Variants in SLCO2B1 observed in about 807,000 individuals in gnomAD.
The protein encoded by SLCO2B1 is solute carrier organic anion transporter family member 2B1, also known as OATP-RP2.
In SLCO2B1, 41 loss-of-function variants were observed where a neutral mutation model predicts 67.3. The ratio of observed to expected loss-of-function variants is 0.61; its 90% CI spans 0.47 to 0.79. The LOEUF is 0.79. Among genes scored for constraint, SLCO2B1 ranks in the 30% least tolerant of loss-of-function variants. SLCO2B1 has a pLI of 0.00. For synonymous variants in SLCO2B1, 379 were observed against 381.4 expected (o/e 0.99, Z 0.07); for missense variants, 837 against 920.1 (o/e 0.91, Z 1.17).
chr11:75,177,512 G>A (rs983493708), intron 7 of SLCO2B1, among the ~76,000 whole-genome samples: 8 of 152,204 alleles, frequency 5.3e-5, no homozygotes, highest in African/African-American at 9.7e-5. Flanking sequence ...CACCATGCTC[G>A]AGGGGCTGAA....
chr11:75,152,677 C>G (rs1949706054), intron 1 of SLCO2B1, among the ~76,000 whole-genome samples: 1 of 152,098 alleles, frequency 6.6e-6, no homozygotes, highest in African/African-American at 2.4e-5. Flanking sequence ...CACAAGTCCC[C>G]CCAGTACTAT....
chr11:75,203,559 T>C (rs1192286560), intron 13 of SLCO2B1, 132 bp downstream of exon 13: 2 of 1,152,802 alleles, frequency 1.7e-6, no homozygotes, highest in East Asian at 4.8e-5. Context: ...ATATATTCAG[T>C]GCTGAGCTCA....
At chr11:75,202,826 C>T (rs1488714002) in intron 11 of SLCO2B1, 75 bp from the exon 12 acceptor site, 1 of 1,270,570 alleles carries the variant, frequency 7.9e-7, no homozygotes, top group African/African-American at 1.5e-5. Context: ...TAATAAGAAC[C>T]CTTCAACGTT....
rs750493329 is a variant in SLCO2B1, at chr11:75,196,682, G to A, written c.1599+3G>A. The A allele has an allele frequency of 5.0e-6, 8 of 1,612,212 alleles. No individual in the cohort carries two copies. The East Asian group carries it at 6.7e-5, about 13-fold the overall frequency. On this transcript the variant is annotated splice_donor_region_variant and intron_variant, in intron 10 of 13. Transcript: ENST00000289575. ...AGGATGCTCTGGACAACAGCCAGGTGAGTCAGGCCTCTCGTGGCAACCTCT... is the reference window on the plus strand; with the variant it reads ...AGGATGCTCTGGACAACAGCCAGGTAAGTCAGGCCTCTCGTGGCAACCTCT...
chr11:75,154,045 C>G (rs1949719767), intron 1 of SLCO2B1, among the ~76,000 whole-genome samples: 1 of 151,450 alleles, frequency 6.6e-6, no homozygotes, highest in Non-Finnish European at 1.5e-5. Flanking sequence ...CCTGCCTCAG[C>G]CTCCCGAGTA....
intron 7 of SLCO2B1, among the ~76,000 whole-genome samples, chr11:75,177,142 T>C (rs1049670150): frequency 6.6e-6 from 1 of 151,838 alleles, no homozygotes; most frequent in Non-Finnish European, 1.5e-5. Context: ...AGGAGGGGCA[T>C]CACCGAGCAG....
intron 7 of SLCO2B1, among the ~76,000 whole-genome samples, chr11:75,185,769 C>T (rs1008111052): frequency 1.3e-5 from 2 of 151,990 alleles, no homozygotes; most frequent in African/African-American, 2.4e-5. Flanking sequence ...AGGAGGAACG[C>T]GTCCACCCTA....
At chr11:75,190,892 A>G (rs1945012914) in intron 8 of SLCO2B1, among the ~76,000 whole-genome samples, 1 of 152,198 alleles carries the variant, frequency 6.6e-6, no homozygotes, top group African/African-American at 2.4e-5. Flanking sequence ...GCCCTGTCTC[A>G]TGGCAAAGGT....
At chr11:75,189,933 G>T (rs1046563813) in intron 8 of SLCO2B1, among the ~76,000 whole-genome samples, 1 of 149,808 alleles carries the variant, frequency 6.7e-6, no homozygotes, top group African/African-American at 2.5e-5. Context: ...CTGCGCTCCA[G>T]CCTGGGTGAC....
intron 1 of SLCO2B1, among the ~76,000 whole-genome samples, chr11:75,162,234 C>T (rs1278709152): frequency 1.3e-5 from 2 of 152,186 alleles, no homozygotes; most frequent in Non-Finnish European, 2.9e-5. Context: ...GCCAGACAGT[C>T]CCAGGCCCAG....
At position 75,178,131 on chromosome 11, in the gene SLCO2B1, C is replaced by T. The variant is rs184554104; in HGVS notation, c.972+5562C>T. Among the ~76,000 whole-genome samples the T allele has an allele frequency of 2.2e-3, 339 of 151,830 alleles. 3 individuals are homozygous for T. The highest frequency in any genetic ancestry group is 6.8e-3 in the Middle Eastern group (2 of 294). On this transcript the variant is annotated intron_variant, in intron 7 of 13. Coordinates refer to ENST00000289575, the MANE Select transcript of SLCO2B1 (RefSeq NM_007256.5). ...AAAACAAAAAACAAAACTCCAAACG[C>T]AAGTTCTGTTTAGACCAATCATTCT...
rs375283751 is a variant in SLCO2B1 at position 75,193,595 on chromosome 11, C to A, written c.1433+20C>A. ...GACCAGGTGAGTGTGTGCGTGGGCA[C>A]GTAAAGGCAAGCCTGGGAGGACAGG... On this transcript the variant is annotated intron_variant, in intron 9 of 13. Transcript: ENST00000289575. This position sits in a 1 kb window ranked among gnomAD's most constrained non-coding sequence, Gnocchi z 4.2. 6.6e-7 allele frequency: 1 copy of A among 1,515,914 alleles called. No homozygotes were observed. Among genetic ancestry groups the A allele is most frequent in the Non-Finnish European group, 8.8e-7 (1 of 1,132,784 alleles). 93.9% of individuals were successfully genotyped at this position (1,515,914 alleles called of 1,614,324 possible).
intron 4 of SLCO2B1, among the ~76,000 whole-genome samples, chr11:75,166,410 T>TA (rs1949893288): frequency 6.6e-6 from 1 of 152,164 alleles, no homozygotes; most frequent in Non-Finnish European, 1.5e-5. Flanking sequence ...TGAACAAATT[T>TA]AAAAAATGAA....
At position 75,198,618 on chromosome 11, in the gene SLCO2B1, C is replaced by T. The variant is rs11822041; in HGVS notation, c.1600-1606C>T. On this transcript the variant is annotated intron_variant, in intron 10 of 13. Coordinates refer to ENST00000289575, the MANE Select transcript of SLCO2B1 (RefSeq NM_007256.5). ...AGCCAGCCCCCTCTTTGGAGCATCA[C>T]GGAGGCTTGGATTTAGGTGCAGTAT... 2.3e-3 allele frequency among the ~76,000 whole-genome samples: 354 copies of T among 152,318 alleles called. 2 individuals are homozygous for T. Among genetic ancestry groups the T allele is most frequent in the African/African-American group, 8.3e-3 (343 of 41,564 alleles).
intron 12 of SLCO2B1, 83 bp downstream of exon 12, chr11:75,203,048 G>A (rs752285132): frequency 2.3e-6 from 3 of 1,317,276 alleles, no homozygotes; most frequent in South Asian, 1.2e-5. Context: ...ACAGGCATGA[G>A]CGGAATTCAA....
Position 75,172,451 on chromosome 11 carries a change from G to C in SLCO2B1, c.854G>C (p.Gly285Ala). Residue 285 changes from glycine to alanine, a missense_variant, in exon 7 of 14, where the codon GGT (glycine) becomes GCT (alanine). By Grantham distance (60) the Gly-to-Ala change is moderately conservative. Transcript: ENST00000289575. ...AWWLGFLIAA[G>A]AVALAAIPYF... ...TGGCTGGGTTTCCTCATCGCTGCCGGTGCAGTGGCCCTGGCTGCCATCCCC... is the reference window on the plus strand; with the variant it reads ...TGGCTGGGTTTCCTCATCGCTGCCGCTGCAGTGGCCCTGGCTGCCATCCCC... 1 of 1,614,166 alleles carries C rather than the reference G, an allele frequency of 6.2e-7. No homozygotes were observed. Among genetic ancestry groups the C allele is most frequent in the Non-Finnish European group, 8.5e-7 (1 of 1,180,004 alleles).
At chr11:75,166,836 C>A (rs572052390) in intron 4 of SLCO2B1, among the ~76,000 whole-genome samples, 1 of 152,262 alleles carries the variant, frequency 6.6e-6, no homozygotes, top group South Asian at 2.1e-4. Context: ...AGCCCACACC[C>A]CAGCCTGGCA....
chr11:75,202,270 C>T (rs1397796902), intron 11 of SLCO2B1: 4 of 152,300 alleles, frequency 2.6e-5, no homozygotes, highest in Non-Finnish European at 5.9e-5. Context: ...ATCAGATGCC[C>T]AACAGGCAGC....
chr11:75,196,674 A>T lies in SLCO2B1; in HGVS notation c.1594A>T (p.Ser532Cys). The T allele has an allele frequency of 6.2e-7, 1 of 1,613,034 alleles. No individual in the cohort carries two copies. Among genetic ancestry groups the T allele is most frequent in the Non-Finnish European group, 8.5e-7 (1 of 1,179,602 alleles). The change falls in exon 10 of 14, where the codon AGC becomes TGC. Residue 532 changes from serine to cysteine, a missense_variant. Coordinates refer to ENST00000289575, the MANE Select transcript of SLCO2B1 (RefSeq NM_007256.5). ...SWVVQDALDN[S>C]QVFYTNCSCV... is the part of the protein sequence containing the mutation. ...GGTGGTCCAGGATGCTCTGGACAAC[A>T]GCCAGGTGAGTCAGGCCTCTCGTGG...
Sources: gnomAD v4.1 joint callset for allele counts (sites outside exome capture counted in the v4.1 genomes callset) on GRCh38, gnomAD v4.1.1 for gene constraint, Gnocchi (gnomAD v3.1) non-coding constraint, MANE v1.5 for transcripts, NCBI Gene and HGNC (gene_info 2026-07-23, HGNC 2026-07-21) for gene names.